The following IL1R1 variants were observed in gnomAD, a reference collection of about 807,000 sequenced individuals.
IL1R1 encodes interleukin 1 receptor type 1.
A neutral mutation model predicts 50.2 loss-of-function variants in IL1R1; 22 were observed. The ratio of observed to expected loss-of-function variants is 0.44; its 90% CI spans 0.31 to 0.63. The LOEUF is 0.63. Among genes scored for constraint, IL1R1 ranks in the 20% least tolerant of loss-of-function variants. The probability of loss-of-function intolerance (pLI) is 0.07; values close to 1 mark genes in which losing one functional copy is unlikely to be tolerated. For missense variants in IL1R1, 509 were observed against 676.2 expected (o/e 0.75, Z 2.74); for synonymous variants, 251 against 236.7 (o/e 1.06, Z -0.55).
chr2:102,168,754 C>A, intron 7 of IL1R1, 91 bp downstream of exon 7: 1 of 874,060 alleles, frequency 1.1e-6, no homozygotes, highest in Non-Finnish European at 1.8e-6. Flanking sequence ...TATATATAAT[C>A]TAAGCCATTT....
rs145739633 is a variant in IL1R1, at chr2:102,132,922, C to T, written c.-83-21019C>T. On this transcript the variant is annotated intron_variant, in intron 1 of 10. Coordinates refer to the IL1R1 transcript ENST00000409329. ...AGAAATAGATGACTTGACTAGCCCT[C>T]TATCTACTAAAGAAATTGAATTTGT... Among the ~76,000 whole-genome samples the T allele has an allele frequency of 2.0e-3, 312 of 152,268 alleles. 2 individuals carry two copies. Among genetic ancestry groups the T allele is most frequent in the Non-Finnish European group, 2.3e-3 (155 of 68,024 alleles).
intron 1 of IL1R1, among the ~76,000 whole-genome samples, chr2:102,116,877 G>A (rs569692746): frequency 6.6e-6 from 1 of 152,208 alleles, no homozygotes; most frequent in East Asian, 1.9e-4. Context: ...AAATTTGCAT[G>A]TCTCTAACTT....
Position 102,166,052 on chromosome 2 carries a change from C to T in IL1R1, c.487-61C>T, listed in dbSNP as rs912403283. On this transcript the variant is annotated intron_variant, in intron 5 of 11. Coordinates refer to ENST00000410023, the MANE Select transcript of IL1R1 (RefSeq NM_000877.4). ...GGTGAAAAAAATGGAGCTCCTTTGG[C>T]GGTAGATTGGGGAAAGTTATTGGTT... The T allele has an allele frequency of 3.1e-5, 44 of 1,413,450 alleles. No individual in the cohort carries two copies. In the Admixed American group the frequency reaches 3.6e-4, roughly 12 times the overall value. 87.6% of individuals were successfully genotyped at this position (1,413,450 alleles called of 1,614,324 possible). A position where few individuals can be genotyped will look rare whatever the true frequency, so the allele number is the denominator to read the frequency against.
chr2:102,155,177 T>A (rs971271301), intron 2 of IL1R1, among the ~76,000 whole-genome samples: 2 of 152,258 alleles, frequency 1.3e-5, no homozygotes, highest in African/African-American at 4.8e-5. Context: ...TTATTTGTCA[T>A]CAGAGCATGG....
chr2:102,133,969 T>C (rs1682193986), intron 1 of IL1R1, among the ~76,000 whole-genome samples: 1 of 152,182 alleles, frequency 6.6e-6, no homozygotes, highest in Non-Finnish European at 1.5e-5. Context: ...ATTCTATTTG[T>C]AGACAACATA....
Position 102,142,772 on chromosome 2 carries a change from G to A in IL1R1, c.-332G>A, listed in dbSNP as rs1279046635. On this transcript the variant is annotated 5_prime_UTR_variant, in exon 1 of 12. Coordinates refer to ENST00000410023, the MANE Select transcript of IL1R1 (RefSeq NM_000877.4). Reference sequence around the variant, plus strand: ...GTTCCCGGCCGCGAGGGCGGGCGCAGCTTGTGGCCGGCGGCCGGAGCCGAC... The same window carrying A: ...GTTCCCGGCCGCGAGGGCGGGCGCAACTTGTGGCCGGCGGCCGGAGCCGAC... 1 of 149,258 alleles carries A rather than the reference G, an allele frequency of 6.7e-6. No homozygotes were observed. The highest frequency in any genetic ancestry group is 2.0e-4 in the East Asian group (1 of 5,102). The allele number at this position is 149,258 out of a possible 1,614,324, so 9.2% of individuals were successfully genotyped here. A position where few individuals can be genotyped will look rare whatever the true frequency, so the allele number is the denominator to read the frequency against.
In IL1R1 at chr2:102,110,750, T is replaced by G. The variant is rs184044014; in HGVS notation, c.-84+5878T>G. Among the ~76,000 whole-genome samples the G allele has an allele frequency of 3.2e-3, 480 of 152,060 alleles. 11 individuals carry two copies. Among genetic ancestry groups the G allele is most frequent in the Admixed American group, 0.03 (458 of 15,246 alleles). On this transcript the variant is annotated intron_variant, in intron 1 of 10. Coordinates refer to the IL1R1 transcript ENST00000409329. ...CAACGTTTTTCATTTGGTGATTGTG[T>G]TTTGAGGCCTTGCTGTGTGTCCAGT...
intron 1 of IL1R1, among the ~76,000 whole-genome samples, chr2:102,088,170 A>ACT (rs1679507777): frequency 6.6e-6 from 1 of 152,214 alleles, no homozygotes; most frequent in African/African-American, 2.4e-5. Context: ...GACATCTAGA[A>ACT]TGGTGAATCC....
intron 1 of IL1R1, among the ~76,000 whole-genome samples, chr2:102,148,231 G>A (rs932048014): frequency 1.3e-5 from 2 of 152,196 alleles, no homozygotes; most frequent in African/African-American, 2.4e-5. Context: ...TCCCCAGCAC[G>A]CTCTGTGGTT....
intron 10 of IL1R1, among the ~76,000 whole-genome samples, chr2:102,175,121 G>GAA (rs35411886): frequency 2.3e-4 from 31 of 134,032 alleles, no homozygotes; most frequent in Non-Finnish European, 4.8e-4. Flanking sequence ...TAAACTTTGC[G>GAA]AAAAAAAAAA....
intron 7 of IL1R1, among the ~76,000 whole-genome samples, 197 bp from the exon 8 acceptor site, chr2:102,171,604 A>G (rs557366493): frequency 1.3e-5 from 2 of 152,292 alleles, no homozygotes; most frequent in East Asian, 3.9e-4. Context: ...CAAAAACTGC[A>G]CATGTTCACA....
chr2:102,144,058 G>A (rs1485560276), intron 1 of IL1R1, among the ~76,000 whole-genome samples: 2 of 152,234 alleles, frequency 1.3e-5, no homozygotes, highest in African/African-American at 4.8e-5. Flanking sequence ...GCCAGAGGTG[G>A]CATGGGGACG....
At chr2:102,173,074 A>G (rs2104629251) in intron 9 of IL1R1, among the ~76,000 whole-genome samples, 1 of 152,284 alleles carries the variant, frequency 6.6e-6, no homozygotes, top group Middle Eastern at 3.4e-3. Context: ...GGGCCTCTGT[A>G]TGTACTTCTG....
At chr2:102,150,535 T>G (rs1427574597) in intron 1 of IL1R1, among the ~76,000 whole-genome samples, 2 of 152,262 alleles carry the variant, frequency 1.3e-5, no homozygotes, top group African/African-American at 4.8e-5. Flanking sequence ...GTGTGTGTGT[T>G]GCACGTGCTG....
intron 1 of IL1R1, among the ~76,000 whole-genome samples, chr2:102,082,406 G>A (rs1265575512): frequency 6.6e-6 from 1 of 152,190 alleles, no homozygotes; most frequent in Non-Finnish European, 1.5e-5. Context: ...AGCCAAGGAT[G>A]TATAGTGCAT....
intron 1 of IL1R1, among the ~76,000 whole-genome samples, chr2:102,128,119 C>A (rs914252900): frequency 6.6e-6 from 1 of 152,196 alleles, no homozygotes; most frequent in African/African-American, 2.4e-5. Context: ...GAAATACCCT[C>A]CTTTTTAAAT....
chr2:102,080,109 G>A (rs533565865), intron 1 of IL1R1, among the ~76,000 whole-genome samples: 1 of 152,134 alleles, frequency 6.6e-6, no homozygotes, highest in East Asian at 1.9e-4. Context: ...AGAACTAAAC[G>A]TATGATCTAG....
In IL1R1 at chr2:102,177,461, T is replaced by C. The variant is rs1042863263; in HGVS notation, c.*702T>C. 4 of 154,584 alleles carry C rather than the reference T, an allele frequency of 2.6e-5. No individual in the cohort carries two copies. Among genetic ancestry groups the C allele is most frequent in the African/African-American group, 9.6e-5 (4 of 41,530 alleles). The allele number at this position is 154,584 out of a possible 1,614,324, so 9.6% of individuals were successfully genotyped here. ...GTCACTGACCCTGGAGCGGCTCTCC[T>C]GAGAGGTGCTGCAGGCAAAGTGAGA... On this transcript the variant is annotated 3_prime_UTR_variant, in exon 12 of 12. Transcript: ENST00000410023.
intron 1 of IL1R1, among the ~76,000 whole-genome samples, chr2:102,109,598 C>A (rs1323814263): frequency 3.3e-5 from 5 of 152,148 alleles, no homozygotes; most frequent in Admixed American, 3.3e-4. Context: ...CTGGAAAACT[C>A]AGCCACAACA....
Sources: gnomAD v4.1 joint callset for allele counts (sites outside exome capture counted in the v4.1 genomes callset) on GRCh38, gnomAD v4.1.1 for gene constraint, MANE v1.5 for transcripts, NCBI Gene and HGNC (gene_info 2026-07-23, HGNC 2026-07-21) for gene names.